GPHN: variants seen among roughly 807,000 people sequenced by gnomAD.
The protein encoded by GPHN is gephyrin.
GPHN carries 17 observed loss-of-function variants against 95.5 expected under a neutral mutation model. That is an observed-to-expected ratio of 0.18 (90% CI 0.12 to 0.27). The LOEUF is 0.27. Among genes scored for constraint, GPHN ranks in the 10% least tolerant of loss-of-function variants. The pLI is 1.00. For synonymous variants in GPHN, 320 were observed against 322.5 expected (o/e 0.99, Z 0.08); for missense variants, 660 against 978.1 (o/e 0.67, Z 4.34).
At chr14:66,583,013 T>C (rs2061260988) in intron 1 of GPHN, among the ~76,000 whole-genome samples, 1 of 152,086 alleles carries the variant, frequency 6.6e-6, no homozygotes, top group South Asian at 2.1e-4. Flanking sequence ...AGTGTAAAAG[T>C]GTTCCTATTT....
At chr14:67,321,295 G>C in the GPHN span, 1 of 1,600,208 alleles carries the variant, frequency 6.2e-7, no homozygotes, top group South Asian at 1.1e-5. Flanking sequence ...TTTGAACTTA[G>C]AAGGAATGTC....
the GPHN span, among the ~76,000 whole-genome samples, chr14:67,187,209 A>T: frequency 9.8e-4 from 150 of 152,340 alleles, no homozygotes; most frequent in Middle Eastern, 3.4e-3. Flanking sequence ...CTGAAAATTT[A>T]AAAAATAAAA....
intron 10 of GPHN, among the ~76,000 whole-genome samples, chr14:67,053,370 T>C (rs1386314710): frequency 1.3e-5 from 2 of 151,682 alleles, no homozygotes; most frequent in Non-Finnish European, 2.9e-5. Flanking sequence ...CTAGAAGAAA[T>C]GGATAAATTC....
the GPHN span, chr14:67,653,599 A>C: frequency 6.6e-6 from 7 of 1,061,878 alleles, no homozygotes; most frequent in Non-Finnish European, 9.6e-6. Context: ...TATATGTTGA[A>C]AAATTCCAAG....
At chr14:66,689,728 G>T (rs1432666504) in intron 2 of GPHN, among the ~76,000 whole-genome samples, 1 of 152,120 alleles carries the variant, frequency 6.6e-6, no homozygotes, top group Non-Finnish European at 1.5e-5. Flanking sequence ...CAATTGGTTT[G>T]TTGGGGTTTT....
chr14:67,120,918 C>T (rs574295430), intron 16 of GPHN, among the ~76,000 whole-genome samples: 1 of 152,114 alleles, frequency 6.6e-6, no homozygotes. Context: ...TTTCCTGTAG[C>T]CTATTGTAAG....
chr14:66,771,900 ATGT>A (rs2059191210), intron 2 of GPHN, among the ~76,000 whole-genome samples: 1 of 152,006 alleles, frequency 6.6e-6, no homozygotes, highest in East Asian at 1.9e-4. Flanking sequence ...ATTGATGAAA[ATGT>A]TGTGACCACA....
chr14:67,165,304 G>A, intron 20 of GPHN, 78 bp downstream of exon 20: 1 of 881,592 alleles, frequency 1.1e-6, no homozygotes, highest in South Asian at 1.3e-5. Context: ...GTGACCACCT[G>A]GTTTGAAATC....
At chr14:67,579,065 A>C in the GPHN span, 1 of 1,096,792 alleles carries the variant, frequency 9.1e-7, no homozygotes, top group Non-Finnish European at 1.3e-6. Flanking sequence ...GAGTCTAGAT[A>C]GGGATCCGGG....
chr14:67,163,329 A>G (rs2082072045), intron 19 of GPHN, among the ~76,000 whole-genome samples: 2 of 152,000 alleles, frequency 1.3e-5, no homozygotes, highest in Admixed American at 1.3e-4. Flanking sequence ...ATAAATAAAA[A>G]TAGATATTTT....
At chr14:67,277,409 A>T in the GPHN span, among the ~76,000 whole-genome samples, 1 of 152,164 alleles carries the variant, frequency 6.6e-6, no homozygotes, top group African/African-American at 2.4e-5. Context: ...TGTATTAAGC[A>T]TTTTGTCTTC....
intron 10 of GPHN, among the ~76,000 whole-genome samples, chr14:67,054,587 T>G (rs1379951428): frequency 6.6e-6 from 1 of 152,108 alleles, no homozygotes; most frequent in African/African-American, 2.4e-5. Flanking sequence ...TTTCACAGAA[T>G]TAGAAAAAAA....
intron 13 of GPHN, among the ~76,000 whole-genome samples, chr14:67,109,783 AT>A (rs1270631562): frequency 6.6e-6 from 1 of 152,122 alleles, no homozygotes; most frequent in Non-Finnish European, 1.5e-5. Context: ...TGTCCTAGCA[AT>A]TTTTTTACTT....
the GPHN span, chr14:67,338,552 C>A: frequency 6.9e-7 from 1 of 1,458,684 alleles, no homozygotes; most frequent in South Asian, 1.5e-5. Flanking sequence ...CCACACAAAT[C>A]AAACCTACAC....
intron 10 of GPHN, among the ~76,000 whole-genome samples, chr14:67,050,574 G>A (rs2075261111): frequency 6.6e-6 from 1 of 151,886 alleles, no homozygotes; most frequent in African/African-American, 2.4e-5. Flanking sequence ...GATACCAGAA[G>A]ACAAATATAA....
the GPHN span, among the ~76,000 whole-genome samples, chr14:67,209,104 A>G: frequency 6.6e-6 from 1 of 152,196 alleles, no homozygotes; most frequent in Admixed American, 6.5e-5. Flanking sequence ...CGCTGATACA[A>G]TAAAAGTAAT....
At chr14:67,023,817 A>G in intron 10 of GPHN, 142 bp downstream of exon 10, 1 of 722,310 alleles carries the variant, frequency 1.4e-6, no homozygotes, top group South Asian at 1.6e-5. Flanking sequence ...CCTTCTAAAA[A>G]TATTGCCAGT....
At chr14:66,924,158 T>G (rs2066356409) in intron 7 of GPHN, 36 bp from the exon 8 acceptor site, 1 of 1,103,922 alleles carries the variant, frequency 9.1e-7, no homozygotes, top group Non-Finnish European at 1.4e-6. Flanking sequence ...TGTTTTCCTG[T>G]CACTATATTC....
intron 1 of GPHN, among the ~76,000 whole-genome samples, chr14:66,597,759 G>T (rs1302770019): frequency 6.6e-6 from 1 of 152,168 alleles, no homozygotes; most frequent in African/African-American, 2.4e-5. Context: ...ACAAGCTCCA[G>T]CCTTACCTCC....
Sources: allele counts gnomAD v4.1 joint callset (sites outside exome capture counted in the v4.1 genomes callset), GRCh38; gene constraint gnomAD v4.1.1; transcripts MANE v1.5; gene names NCBI Gene and HGNC (gene_info 2026-07-23, HGNC 2026-07-21).